The following KCNA2 variants were observed in gnomAD, a reference collection of about 807,000 sequenced individuals.
The protein encoded by KCNA2 is potassium channel, voltage gated shaker related subfamily A, member 2.
KCNA2 carries 11 observed loss-of-function variants against 33.4 expected under a neutral mutation model. The ratio of observed to expected loss-of-function variants is 0.33; its 90% CI spans 0.21 to 0.55. The LOEUF (loss-of-function observed/expected upper bound fraction) is 0.55, where lower values mean the gene tolerates loss of function less well. Among genes scored for constraint, KCNA2 ranks in the 20% least tolerant of loss-of-function variants. The pLI is 0.93. For synonymous variants in KCNA2, 222 were observed against 231.3 expected, an observed-to-expected ratio of 0.96 and a Z score of 0.37; for missense variants, 291 against 621.6, an observed-to-expected ratio of 0.47 and a Z score of 5.66.
Position 110,601,852 on chromosome 1 carries a change from G to T in KCNA2, c.*1431C>A. On this transcript the variant is annotated 3_prime_UTR_variant, in exon 3 of 3. Coordinates refer to ENST00000316361, the MANE Select transcript of KCNA2 (RefSeq NM_004974.4). Reference sequence around the variant, plus strand: ...TGTATACATATACACACATATGTATGTATATATATACACCCTAGTGCACAT... The same window carrying T: ...TGTATACATATACACACATATGTATTTATATATATACACCCTAGTGCACAT... The T allele has an allele frequency of 1.4e-6, 2 of 1,412,268 alleles. No homozygotes were observed. Among genetic ancestry groups the T allele is most frequent in the Admixed American group, 2.9e-5 (1 of 34,052 alleles). The allele number at this position is 1,412,268 out of a possible 1,614,324, so 87.5% of individuals were successfully genotyped here. A position where few individuals can be genotyped will look rare whatever the true frequency, so the allele number is the denominator to read the frequency against.
intron 1 of KCNA2, among the ~76,000 whole-genome samples, chr1:110,620,299 T>G (rs1650221125): frequency 6.6e-6 from 1 of 152,112 alleles, no homozygotes; most frequent in Non-Finnish European, 1.5e-5. Context: ...TCACTCTTCT[T>G]GGGTGCACCC....
intron 1 of KCNA2, among the ~76,000 whole-genome samples, chr1:110,620,053 C>CGAGAGAGAGAGAGAGAGAGAGAGAGA (rs3050013): frequency 7.9e-6 from 1 of 126,738 alleles, no homozygotes; most frequent in Non-Finnish European, 1.6e-5. Flanking sequence ...AGAGCGAGAG[C>CGAGAGAGAGAGAGAGAGAGAGAGAGA]GAGAGAGAGA....
Position 110,603,235 on chromosome 1 carries a change from A to G in KCNA2, c.*48T>C. 1 of 1,552,976 alleles carries G rather than the reference A, an allele frequency of 6.4e-7. No homozygotes were observed. Among genetic ancestry groups the G allele is most frequent in the Non-Finnish European group, 8.7e-7 (1 of 1,151,198 alleles). ...TGACTACAATGCAGGCTATTATGCA[A>G]CATCTGCATTAGTTCCATTGAGCTG... On this transcript the variant is annotated 3_prime_UTR_variant, in exon 3 of 3. Coordinates refer to ENST00000316361, the MANE Select transcript of KCNA2 (RefSeq NM_004974.4). The surrounding 1 kb of genome is among the most constrained non-coding windows in gnomAD (Gnocchi z 5.7).
chr1:110,627,759 G>A (rs1274825708), intron 1 of KCNA2, among the ~76,000 whole-genome samples: 1 of 151,814 alleles, frequency 6.6e-6, no homozygotes, highest in African/African-American at 2.4e-5. Flanking sequence ...GAGCCCAGAA[G>A]TTCGAGATTG....
chr1:110,601,472 A>C lies in KCNA2; in HGVS notation c.*1811T>G, dbSNP rs1054629454. On this transcript the variant is annotated 3_prime_UTR_variant, in exon 3 of 3. Transcript: ENST00000316361. ...AGAGGTGAAAATGGAGATGATGAAC[A>C]GGATGAACTGTAGAGAGGAGGCCCG... 5 of 985,650 alleles carry C rather than the reference A, an allele frequency of 5.1e-6. No individual in the cohort carries two copies. In the African/African-American group the frequency reaches 8.7e-5, roughly 17 times the overall value. 61.1% of individuals were successfully genotyped at this position (985,650 alleles called of 1,614,324 possible).
Position 110,602,914 on chromosome 1 carries a change from G to A in KCNA2, c.*369C>T, listed in dbSNP as rs892555331. The A allele has an allele frequency of 5.7e-6, 6 of 1,046,384 alleles. No homozygotes were observed. Among genetic ancestry groups the A allele is most frequent in the Non-Finnish European group, 6.9e-6 (6 of 870,048 alleles). 64.8% of individuals were successfully genotyped at this position (1,046,384 alleles called of 1,614,324 possible). ...AGGGCAGGTGGGCTCAAATAAGGTG[G>A]TGGGATGGTGGGGAGGGGAGTGCAT... On this transcript the variant is annotated 3_prime_UTR_variant, in exon 3 of 3. Transcript: ENST00000316361.
intron 1 of KCNA2, among the ~76,000 whole-genome samples, chr1:110,630,086 GCTCACCGCAACCTCTGT>G (rs1469262680): frequency 2.0e-5 from 3 of 146,526 alleles, no homozygotes; most frequent in Non-Finnish European, 4.5e-5. Flanking sequence ...TGCCATCTTG[GCTCACCGCAACCTCTGT>G]CTCCTGGGTT....
At chr1:110,630,963 G>A (rs1360563999) in intron 1 of KCNA2, among the ~76,000 whole-genome samples, 1 of 152,260 alleles carries the variant, frequency 6.6e-6, no homozygotes, top group East Asian at 1.9e-4. Context: ...CAAAGCCCAC[G>A]GATGGACAAC....
chr1:110,626,609 T>C (rs1650397726), intron 1 of KCNA2, among the ~76,000 whole-genome samples: 1 of 151,876 alleles, frequency 6.6e-6, no homozygotes, highest in Non-Finnish European at 1.5e-5. Context: ...AAAGTAAAAA[T>C]CTCTTAAATT....
rs193266470 is a variant in KCNA2 at position 110,598,373 on chromosome 1, C to T, written c.*4910G>A. ...GTGCCACCTTCATATGCAATTTGCACACTGTTCTATAGTTTCCTTAGGGGG... is the reference window on the plus strand; with the variant it reads ...GTGCCACCTTCATATGCAATTTGCATACTGTTCTATAGTTTCCTTAGGGGG... On this transcript the variant is annotated 3_prime_UTR_variant, in exon 3 of 3. Coordinates refer to ENST00000316361, the MANE Select transcript of KCNA2 (RefSeq NM_004974.4). 2,597 of 985,356 alleles carry T rather than the reference C, an allele frequency of 2.6e-3. 22 individuals carry two copies. Among genetic ancestry groups the T allele is most frequent in the South Asian group, 0.02 (435 of 21,284 alleles). 61.0% of individuals were successfully genotyped at this position (985,356 alleles called of 1,614,324 possible). A position where few individuals can be genotyped will look rare whatever the true frequency, so the allele number is the denominator to read the frequency against.
intron 1 of KCNA2, among the ~76,000 whole-genome samples, chr1:110,626,315 T>G (rs1386875496): frequency 6.6e-6 from 1 of 152,078 alleles, no homozygotes; most frequent in African/African-American, 2.4e-5. Context: ...AGAAAAAAGC[T>G]CTGGATATAT....
chr1:110,594,796 TC>T lies in KCNA2; in HGVS notation c.*8486del. ...CCAGCCAGGCCTCTCTTCTTGCTTT[TC>T]TATCCCATTTCTTAGCCTGGAGCTG... On this transcript the variant is annotated 3_prime_UTR_variant, in exon 3 of 3. Coordinates refer to ENST00000316361, the MANE Select transcript of KCNA2 (RefSeq NM_004974.4). 1.0e-6 allele frequency: 1 copy of T among 985,590 alleles called. No individual in the cohort carries two copies. Among genetic ancestry groups the T allele is most frequent in the Non-Finnish European group, 1.2e-6 (1 of 830,062 alleles). The allele number at this position is 985,590 out of a possible 1,614,324, so 61.1% of individuals were successfully genotyped here. A position where few individuals can be genotyped will look rare whatever the true frequency, so the allele number is the denominator to read the frequency against.
chr1:110,603,906 G>T lies in KCNA2; in HGVS notation c.877C>A (p.Leu293Ile). 3.1e-6 allele frequency: 5 copies of T among 1,614,196 alleles called. No homozygotes were observed. Among genetic ancestry groups the T allele is most frequent in the Non-Finnish European group, 4.2e-6 (5 of 1,180,040 alleles). ...QGQQAMSLAILRVIRLVRVFR... is the reference protein window; with the variant it reads ...QGQQAMSLAIIRVIRLVRVFR... ...ACTCTTACCAACCGGATGACACGGA[G>T]GATGGCCAGTGACATGGCCTGCTGG... Residue 293 changes from leucine to isoleucine, a missense_variant, in exon 3 of 3, where the codon CTC (leucine) becomes ATC (isoleucine). Physicochemically the swap from Leu to Ile is conservative, Grantham distance 5 (BLOSUM62 2). Transcript: ENST00000316361. The surrounding 1 kb of genome is among the most constrained non-coding windows in gnomAD (Gnocchi z 5.7).
Position 110,594,142 on chromosome 1 carries a change from C to CT in KCNA2, c.*9140dup, listed in dbSNP as rs1271938263. On this transcript the variant is annotated 3_prime_UTR_variant, in exon 3 of 3. Transcript: ENST00000316361. Reference sequence around the variant, plus strand: ...CCCAAGGAGGCTTATTTATCTACCTCTTTGAGTTTTCAGCAATTATTAGAG... The same window carrying CT: ...CCCAAGGAGGCTTATTTATCTACCTCTTTTGAGTTTTCAGCAATTATTAGAG... 1 of 1,353,766 alleles carries CT rather than the reference C, an allele frequency of 7.4e-7. No individual in the cohort carries two copies. Among genetic ancestry groups the CT allele is most frequent in the African/African-American group, 1.5e-5 (1 of 66,958 alleles). The allele number at this position is 1,353,766 out of a possible 1,614,324, so 83.9% of individuals were successfully genotyped here.
At chr1:110,614,144 T>C (rs140334755) in intron 1 of KCNA2, among the ~76,000 whole-genome samples, 193 of 152,318 alleles carry the variant, frequency 1.3e-3, no homozygotes, top group African/African-American at 4.5e-3. Context: ...TTTACAAAGT[T>C]GAAAACAGTG....
chr1:110,604,684 C>G lies in KCNA2; in HGVS notation c.99G>C (p.Glu33Asp). ...YDPEADHECC[E>D]RVVINISGLR... is the part of the protein sequence containing the mutation. ...GCCCTGAGATGTTGATCACCACCCT[C>G]TCACAGCACTCGTGGTCTGCCTCTG... The change falls in exon 3 of 3, where the codon GAG becomes GAC. Residue 33 changes from glutamate (E) to aspartate (D), a missense_variant. By Grantham distance (45) the Glu-to-Asp change is conservative. This residue lies in a region of KCNA2 where 163 missense variants were observed against 273.5 expected (regional missense o/e 0.60). Coordinates refer to ENST00000316361, the MANE Select transcript of KCNA2 (RefSeq NM_004974.4). The surrounding 1 kb of genome is among the most constrained non-coding windows in gnomAD (Gnocchi z 7.6). 2 of 1,614,220 alleles carry G rather than the reference C, an allele frequency of 1.2e-6. No homozygotes were observed. The highest frequency in any genetic ancestry group is 8.5e-7 in the Non-Finnish European group (1 of 1,180,046).
chr1:110,593,757 A>T lies in KCNA2; in HGVS notation c.*9526T>A, dbSNP rs1648964968. 4 of 1,039,710 alleles carry T rather than the reference A, an allele frequency of 3.8e-6. No individual in the cohort carries two copies. Among genetic ancestry groups the T allele is most frequent in the Non-Finnish European group, 5.5e-6 (4 of 725,586 alleles). The allele number at this position is 1,039,710 out of a possible 1,614,324, so 64.4% of individuals were successfully genotyped here. On this transcript the variant is annotated 3_prime_UTR_variant, in exon 3 of 3. Transcript: ENST00000316361. Reference sequence around the variant, plus strand: ...ACAGGCAATGTTCATTGAGGCACATATGTACACATATATGTATAACCTATG... The same window carrying T: ...ACAGGCAATGTTCATTGAGGCACATTTGTACACATATATGTATAACCTATG...
chr1:110,611,885 G>A (rs903655162), intron 1 of KCNA2, among the ~76,000 whole-genome samples: 11 of 151,940 alleles, frequency 7.2e-5, no homozygotes, highest in Non-Finnish European at 1.5e-4. Flanking sequence ...TAGCCAGCAC[G>A]GTGGTGCATG....
At position 110,602,334 on chromosome 1, in the gene KCNA2, A is replaced by G. The variant is rs1224738683; in HGVS notation, c.*949T>C. The G allele has an allele frequency of 3.6e-5, 51 of 1,435,036 alleles. No homozygotes were observed. Among genetic ancestry groups the G allele is most frequent in the Non-Finnish European group, 4.5e-5 (49 of 1,100,492 alleles). The allele number at this position is 1,435,036 out of a possible 1,614,324, so 88.9% of individuals were successfully genotyped here. A position where few individuals can be genotyped will look rare whatever the true frequency, so the allele number is the denominator to read the frequency against. ...GCCTATTAATACTCTAAATATTAACACTGTGTAGGCTACTAGGAAAATAGG... is the reference window on the plus strand; with the variant it reads ...GCCTATTAATACTCTAAATATTAACGCTGTGTAGGCTACTAGGAAAATAGG... On this transcript the variant is annotated 3_prime_UTR_variant, in exon 3 of 3. Transcript: ENST00000316361.
Sources: allele counts gnomAD v4.1 joint callset (sites outside exome capture counted in the v4.1 genomes callset), GRCh38; gene constraint gnomAD v4.1.1; regional missense constraint gnomAD v4.1.1; non-coding constraint Gnocchi (gnomAD v3.1); transcripts MANE v1.5; gene names NCBI Gene and HGNC (gene_info 2026-07-23, HGNC 2026-07-21).